The following CELF2 variants were observed in gnomAD, a reference collection of about 807,000 sequenced individuals.
The protein encoded by CELF2 is CUGBP Elav-like family member 2, also known as CUG triplet repeat RNA-binding protein 2.
CELF2 carries 8 observed loss-of-function variants against 62.6 expected under a neutral mutation model. The ratio of observed to expected loss-of-function variants is 0.13; its 90% CI spans 0.07 to 0.23. The LOEUF is 0.23. Ranked by LOEUF, CELF2 falls within the 10% of genes least tolerant of loss-of-function variation. The pLI, the probability that CELF2 is intolerant of heterozygous loss-of-function variation, is 1.00. For missense variants in CELF2, 333 were observed against 671.0 expected (o/e 0.50, Z 5.56); for synonymous variants, 258 against 250.0 (o/e 1.03, Z -0.30).
chr10:10,819,879 C>T (rs546049788), intron 1 of CELF2, among the ~76,000 whole-genome samples: 1 of 152,224 alleles, frequency 6.6e-6, no homozygotes, highest in East Asian at 1.9e-4. Flanking sequence ...TGGGTGGTCC[C>T]TATGGGCATT....
At chr10:11,229,499 G>A (rs35127575) in intron 3 of CELF2, among the ~76,000 whole-genome samples, 31,352 of 152,132 alleles carry the variant, frequency 0.21, 4,152 homozygotes, top group Non-Finnish European at 0.3. Context: ...AGCCTCAGCT[G>A]CACAGGAATA....
intron 1 of CELF2, among the ~76,000 whole-genome samples, chr10:10,808,383 A>C (rs1282982468): frequency 6.6e-6 from 1 of 152,206 alleles, no homozygotes; most frequent in Non-Finnish European, 1.5e-5. Flanking sequence ...CTCGCAAGTA[A>C]ATTCAATGAT....
At chr10:10,566,428 T>TTC in the CELF2 span, among the ~76,000 whole-genome samples, 614 of 147,660 alleles carry the variant, frequency 4.2e-3, 2 homozygotes, top group Non-Finnish European at 6.2e-3. Context: ...AATTTTTTTT[T>TTC]TTATTATACT....
chr10:10,845,813 C>T (rs2058978928), intron 1 of CELF2, among the ~76,000 whole-genome samples: 1 of 152,106 alleles, frequency 6.6e-6, no homozygotes, highest in Non-Finnish European at 1.5e-5. Context: ...TTGGAATGCC[C>T]TCTTTCAATT....
At chr10:10,485,330 A>G in the CELF2 span, among the ~76,000 whole-genome samples, 132 of 152,314 alleles carry the variant, frequency 8.7e-4, no homozygotes, top group Non-Finnish European at 1.5e-3. Context: ...GCTCTTCTCT[A>G]ATAAACAGTT....
chr10:10,508,472 T>A, the CELF2 span, among the ~76,000 whole-genome samples: 689 of 152,340 alleles, frequency 4.5e-3, 4 homozygotes, highest in Non-Finnish European at 6.9e-3. Flanking sequence ...AGCCTCGGCA[T>A]GCTCTTGAAT....
chr10:11,282,210 A>G (rs1290568520), intron 8 of CELF2, among the ~76,000 whole-genome samples: 2 of 151,514 alleles, frequency 1.3e-5, no homozygotes, highest in Non-Finnish European at 2.9e-5. Context: ...TGCAAAGTTT[A>G]AGGAAGGAAA....
chr10:10,659,347 T>G, the CELF2 span, among the ~76,000 whole-genome samples: 2 of 152,242 alleles, frequency 1.3e-5, no homozygotes, highest in African/African-American at 2.4e-5. Flanking sequence ...TTATCAAGTC[T>G]AAAATGCCCT....
In CELF2 at chr10:11,112,659, C is replaced by T. The variant is rs190647003; in HGVS notation, c.75-52827C>T. Among the ~76,000 whole-genome samples the T allele has an allele frequency of 2.5e-4, 38 of 152,274 alleles. No homozygotes were observed. The East Asian group carries it at 3.7e-3, about 15-fold the overall frequency. On this transcript the variant is annotated intron_variant, in intron 1 of 12. Transcript: ENST00000633077. ...TCAAGTGGCAATAAAATGTAAACAA[C>T]GATATTTATGGGAAAAGCAATAGTA...
chr10:10,794,229 G>A (rs528474387), upstream of CELF2, among the ~76,000 whole-genome samples: 10 of 152,200 alleles, frequency 6.6e-5, no homozygotes, highest in African/African-American at 1.9e-4. Flanking sequence ...ATTTTGGCAC[G>A]TTAACAAGAT....
intron 1 of CELF2, among the ~76,000 whole-genome samples, chr10:11,050,304 T>A (rs769716673): frequency 3.9e-5 from 6 of 152,238 alleles, no homozygotes; most frequent in Non-Finnish European, 8.8e-5. Flanking sequence ...TGATCTCTTT[T>A]AAATGGTGAA....
At chr10:10,752,149 G>A in the CELF2 span, among the ~76,000 whole-genome samples, 2 of 152,192 alleles carry the variant, frequency 1.3e-5, no homozygotes, top group Non-Finnish European at 2.9e-5. Context: ...TCCAGATGTT[G>A]GTTCCATTTG....
chr10:10,830,976 T>C (rs1419022324), intron 1 of CELF2, among the ~76,000 whole-genome samples: 1 of 152,262 alleles, frequency 6.6e-6, no homozygotes, highest in Non-Finnish European at 1.5e-5. Context: ...TCAGCCTTGC[T>C]TAACTCTGCA....
intron 2 of CELF2, among the ~76,000 whole-genome samples, chr10:11,206,977 A>G (rs1424676989): frequency 6.6e-6 from 1 of 152,252 alleles, no homozygotes; most frequent in Non-Finnish European, 1.5e-5. Flanking sequence ...CATCGGGGGA[A>G]AAAAGGATGA....
chr10:11,283,832 TGGATGGAGTGGATGAG>T (rs2089920823), intron 8 of CELF2, among the ~76,000 whole-genome samples: 2 of 146,512 alleles, frequency 1.4e-5, no homozygotes, highest in Non-Finnish European at 3.0e-5. Flanking sequence ...GGGTGGATGA[TGGATGGAGTGGATGAG>T]GGATGAGTGT....
At chr10:11,326,522 G>A (rs546896548) in intron 12 of CELF2, among the ~76,000 whole-genome samples, 22 of 152,294 alleles carry the variant, frequency 1.4e-4, no homozygotes, top group African/African-American at 4.3e-4. Flanking sequence ...GTCCAGGGGC[G>A]TGCAGCTGTT....
chr10:11,198,972 A>T (rs965083516), intron 2 of CELF2, among the ~76,000 whole-genome samples: 11 of 152,202 alleles, frequency 7.2e-5, no homozygotes, highest in Non-Finnish European at 1.2e-4. Flanking sequence ...GGAAAACATA[A>T]AACAATGGAT....
At chr10:10,651,494 G>A in the CELF2 span, among the ~76,000 whole-genome samples, 9 of 121,090 alleles carry the variant, frequency 7.4e-5, no homozygotes, top group South Asian at 3.8e-3. Flanking sequence ...GAAGAGAACA[G>A]TGGTTCTCCC....
the CELF2 span, among the ~76,000 whole-genome samples, chr10:10,738,049 A>G: frequency 1.3e-5 from 2 of 152,198 alleles, no homozygotes; most frequent in South Asian, 2.1e-4. Flanking sequence ...CAGGTCTGCC[A>G]CAGGTGGGAC....
Sources: gnomAD v4.1 joint callset for allele counts (sites outside exome capture counted in the v4.1 genomes callset) on GRCh38, gnomAD v4.1.1 for gene constraint, MANE v1.5 for transcripts, NCBI Gene and HGNC (gene_info 2026-07-23, HGNC 2026-07-21) for gene names.